The following PARN variants were observed in gnomAD, a reference collection of about 807,000 sequenced individuals.
PARN encodes poly(A)-specific ribonuclease, also known as poly(A)-specific ribonuclease PARN.
PARN carries 71 observed loss-of-function variants against 102.8 expected under a neutral mutation model. The observed-to-expected ratio is 0.69, with a 90% CI of 0.57 to 0.84. PARN has a LOEUF of 0.84. Among genes scored for constraint, PARN ranks in the 40% least tolerant of loss-of-function variants. The probability of loss-of-function intolerance (pLI) is 0.00; values close to 1 mark genes in which losing one functional copy is unlikely to be tolerated. For synonymous variants in PARN, 261 were observed against 252.9 expected, an observed-to-expected ratio of 1.03 and a Z score of -0.30; for missense variants, 782 against 760.9, an observed-to-expected ratio of 1.03 and a Z score of -0.33.
At chr16:14,588,586 G>A (rs542800239) in intron 13 of PARN, among the ~76,000 whole-genome samples, 2 of 152,222 alleles carry the variant, frequency 1.3e-5, no homozygotes, top group African/African-American at 4.8e-5. Flanking sequence ...TTGCTTTAAA[G>A]ATCAAAAAAG....
intron 21 of PARN, among the ~76,000 whole-genome samples, chr16:14,538,811 A>G (rs1966726266): frequency 6.6e-6 from 1 of 151,838 alleles, no homozygotes; most frequent in Non-Finnish European, 1.5e-5. Context: ...TTTTACAGCC[A>G]CTCCCCATCG....
chr16:14,489,453 A>G (rs1259890071), intron 21 of PARN, among the ~76,000 whole-genome samples: 1 of 151,992 alleles, frequency 6.6e-6, no homozygotes, highest in Non-Finnish European at 1.5e-5. Flanking sequence ...AAAAAAAAAA[A>G]AAAAAAAAAT....
chr16:14,523,608 C>T (rs1965850622), intron 21 of PARN, among the ~76,000 whole-genome samples: 1 of 152,130 alleles, frequency 6.6e-6, no homozygotes, highest in African/African-American at 2.4e-5. Context: ...TAATACTGTA[C>T]ATACGTAGAG....
chr16:14,500,089 T>G (rs1964507228), intron 21 of PARN, among the ~76,000 whole-genome samples: 1 of 152,164 alleles, frequency 6.6e-6, no homozygotes, highest in Admixed American at 6.5e-5. Flanking sequence ...ACAGTCTCAC[T>G]CTGTCACTCA....
intron 21 of PARN, among the ~76,000 whole-genome samples, chr16:14,498,611 C>T (rs1345882600): frequency 1.3e-5 from 2 of 152,102 alleles, no homozygotes; most frequent in Non-Finnish European, 2.9e-5. Flanking sequence ...GCCAACACCA[C>T]CTCCTTGAAC....
At chr16:14,496,629 CA>C (rs1279240064) in intron 21 of PARN, among the ~76,000 whole-genome samples, 1 of 152,126 alleles carries the variant, frequency 6.6e-6, no homozygotes, top group Non-Finnish European at 1.5e-5. Flanking sequence ...AAGGTAAAAT[CA>C]AAGATCTGCT....
intron 18 of PARN, among the ~76,000 whole-genome samples, chr16:14,561,266 A>C (rs564618017): frequency 6.6e-6 from 1 of 152,128 alleles, no homozygotes; most frequent in East Asian, 1.9e-4. Flanking sequence ...ACTCTAGAAT[A>C]TAGAACCTTG....
intron 21 of PARN, among the ~76,000 whole-genome samples, chr16:14,537,241 C>T (rs1286359209): frequency 1.3e-5 from 2 of 152,084 alleles, no homozygotes; most frequent in African/African-American, 4.8e-5. Context: ...CAGTAAGATA[C>T]CATCTCAACC....
At chr16:14,478,309 C>T (rs1213444817) in intron 22 of PARN, among the ~76,000 whole-genome samples, 4 of 151,982 alleles carry the variant, frequency 2.6e-5, no homozygotes, top group African/African-American at 7.3e-5. Context: ...GACCCTGTCT[C>T]AGAAATATTA....
At chr16:14,532,468 T>C (rs1360278472) in intron 21 of PARN, among the ~76,000 whole-genome samples, 1 of 152,110 alleles carries the variant, frequency 6.6e-6, no homozygotes, top group Non-Finnish European at 1.5e-5. Flanking sequence ...ACACAGCACA[T>C]GTTTCAGAGA....
chr16:14,490,420 A>G (rs1963999560), intron 21 of PARN, among the ~76,000 whole-genome samples: 2 of 152,206 alleles, frequency 1.3e-5, no homozygotes, highest in Non-Finnish European at 2.9e-5. Flanking sequence ...ACAGGCATAC[A>G]TCTGTCTGCA....
At position 14,586,208 on chromosome 16, in the gene PARN, C is replaced by G. The variant is rs1417554757; in HGVS notation, c.962+110G>C. On this transcript the variant is annotated intron_variant, in intron 14 of 23. Coordinates refer to ENST00000437198, the MANE Select transcript of PARN (RefSeq NM_002582.4). ...CCAGGCTGGTTCTGAACTCCCTAGG[C>G]TCAAGTGATCCTCCCACCTCAGTCT... The G allele has an allele frequency of 4.3e-5, 30 of 696,896 alleles. No individual in the cohort carries two copies. The East Asian group carries it at 6.8e-4, about 16-fold the overall frequency. 43.2% of individuals were successfully genotyped at this position (696,896 alleles called of 1,614,324 possible).
At chr16:14,512,841 T>C (rs1033609589) in intron 21 of PARN, among the ~76,000 whole-genome samples, 5 of 152,222 alleles carry the variant, frequency 3.3e-5, no homozygotes, top group Admixed American at 1.3e-4. Flanking sequence ...TTCTTGCACA[T>C]TTTTAAGCGG....
At chr16:14,443,848 T>C (rs1436045594) in intron 23 of PARN, among the ~76,000 whole-genome samples, 1 of 151,674 alleles carries the variant, frequency 6.6e-6, no homozygotes, top group Non-Finnish European at 1.5e-5. Context: ...GTTGAGTACC[T>C]GCTGAGATGC....
intron 21 of PARN, among the ~76,000 whole-genome samples, chr16:14,498,022 G>C (rs949482627): frequency 2.6e-5 from 4 of 151,534 alleles, no homozygotes; most frequent in Non-Finnish European, 5.9e-5. Context: ...TACTCAGAAG[G>C]CTGAGGCAGG....
chr16:14,528,280 C>T (rs1306050196), intron 21 of PARN, among the ~76,000 whole-genome samples: 1 of 152,204 alleles, frequency 6.6e-6, no homozygotes, highest in East Asian at 1.9e-4. Context: ...GGGACCCCCA[C>T]AAGAGGCTCC....
rs1459474652 is a variant in PARN at position 14,490,319 on chromosome 16, T to C, written c.1481-7492A>G. Among the ~76,000 whole-genome samples, 3 of 152,162 alleles carry C rather than the reference T, an allele frequency of 2.0e-5. No individual in the cohort carries two copies. The East Asian group carries it at 5.8e-4, about 29-fold the overall frequency. ...CTGGCCCAAGGTCCCAAAGATTACA[T>C]GTGTAGGCTGGGACCCCAACCAAAG... On this transcript the variant is annotated intron_variant, in intron 21 of 23. Coordinates refer to ENST00000437198, the MANE Select transcript of PARN (RefSeq NM_002582.4).
intron 21 of PARN, among the ~76,000 whole-genome samples, chr16:14,510,460 G>T (rs1386374414): frequency 6.6e-6 from 1 of 152,056 alleles, no homozygotes; most frequent in African/African-American, 2.4e-5. Context: ...ATAATTAAGT[G>T]CCTACACTGA....
rs1961771595 is a variant in PARN at position 14,458,092 on chromosome 16, C to T, written c.1671-11011G>A. Among the ~76,000 whole-genome samples, 17 of 152,160 alleles carry T rather than the reference C, an allele frequency of 1.1e-4. 2 individuals are homozygous for T. In the South Asian group the frequency reaches 3.5e-3, roughly 32 times the overall value. On this transcript the variant is annotated intron_variant, in intron 22 of 23. Coordinates refer to ENST00000437198, the MANE Select transcript of PARN (RefSeq NM_002582.4). ...AGCATTCAATAAGAAATACTTTTCA[C>T]AAGAAACTATTTTGAATATTTCAAA...
Sources: gnomAD v4.1 joint callset for allele counts (sites outside exome capture counted in the v4.1 genomes callset) on GRCh38, gnomAD v4.1.1 for gene constraint, MANE v1.5 for transcripts, NCBI Gene and HGNC (gene_info 2026-07-23, HGNC 2026-07-21) for gene names.